Variants in FAM193B observed in about 807,000 individuals in gnomAD.
FAM193B encodes family with sequence similarity 193 member B.
FAM193B carries 27 observed loss-of-function variants against 70.7 expected under a neutral mutation model. That is an observed-to-expected ratio of 0.38 (90% CI 0.28 to 0.53). The LOEUF (loss-of-function observed/expected upper bound fraction) is 0.53. FAM193B is among the 20% of genes least tolerant of loss of function. FAM193B has a pLI of 0.81. For missense variants in FAM193B, 1,022 were observed against 1,072.5 expected (o/e 0.95, Z 0.66); for synonymous variants, 448 against 436.0 (o/e 1.03, Z -0.34).
chr5:177,543,517 C>A (rs896216290), intron 1 of FAM193B, among the ~76,000 whole-genome samples: 1 of 152,316 alleles, frequency 6.6e-6, no homozygotes, highest in Non-Finnish European at 1.5e-5. Context: ...GAGGGGCCAC[C>A]CCTAAAGCTG....
Position 177,524,391 on chromosome 5 carries a change from C to T in FAM193B, c.2090G>A (p.Arg697Gln), listed in dbSNP as rs369712230. 14 of 1,567,298 alleles carry T rather than the reference C, an allele frequency of 8.9e-6. 1 individual carries two copies. Among genetic ancestry groups the T allele is most frequent in the African/African-American group, 2.7e-5 (2 of 73,308 alleles). ...ACTGCCAGCCCAACCTGGTCCTGGC[C>T]GGCTCCCCCGGCTCCCCTCTCCAGC... Reference protein sequence around the residue: ...AEAGEGSRGSRPGPGWAGSPK... With the variant: ...AEAGEGSRGSQPGPGWAGSPK... Residue 697 changes from arginine to glutamine, a missense_variant, in exon 6 of 9, where the codon CGG becomes CAG. By Grantham distance (43) the Arg-to-Gln change is conservative (BLOSUM62 1). Transcript: ENST00000514747.
At chr5:177,534,954 G>C (rs888227385) in intron 4 of FAM193B, among the ~76,000 whole-genome samples, 2 of 152,196 alleles carry the variant, frequency 1.3e-5, no homozygotes, top group African/African-American at 4.8e-5. Context: ...TAGTGTGCTT[G>C]TGAATATGGG....
intron 7 of FAM193B, among the ~76,000 whole-genome samples, chr5:177,523,581 T>TGC (rs1762107688): frequency 6.6e-6 from 1 of 152,232 alleles, no homozygotes; most frequent in African/African-American, 2.4e-5. Flanking sequence ...CCCAACTCTA[T>TGC]GCCATTTATC....
intron 5 of FAM193B, among the ~76,000 whole-genome samples, chr5:177,527,720 T>C (rs1360892008): frequency 6.6e-6 from 1 of 152,194 alleles, no homozygotes; most frequent in Non-Finnish European, 1.5e-5. Context: ...GAGCCAAGTG[T>C]CAAACTGAGA....
intron 1 of FAM193B, chr5:177,553,315 T>C: frequency 1.0e-6 from 1 of 988,862 alleles, no homozygotes; most frequent in Non-Finnish European, 1.2e-6. Context: ...CGGCGCCGCA[T>C]CCGACCCTCC....
At chr5:177,545,576 G>A (rs1765321222) in intron 1 of FAM193B, among the ~76,000 whole-genome samples, 1 of 150,588 alleles carries the variant, frequency 6.6e-6, no homozygotes, top group Non-Finnish European at 1.5e-5. Context: ...TTGGAGGATT[G>A]CTCAAGCCCA....
rs184572415 is a variant in FAM193B, at chr5:177,537,961, C to T, written c.600G>A (p.Ser200=). 4.6e-5 allele frequency: 72 copies of T among 1,567,384 alleles called. No individual in the cohort carries two copies. In the Middle Eastern group the frequency reaches 6.7e-4, roughly 14 times the overall value. Residue 200 remains serine (S), a synonymous_variant, in exon 3 of 9, where the codon TCG becomes TCA. Coordinates refer to ENST00000514747, the MANE Select transcript of FAM193B (RefSeq NM_001190946.3). ...TCCAGAGGCCCGAGAGCTTATGTGC[C>T]GACAGGAACGAGCTAGGATCCCAGT... is the stretch of plus-strand genomic sequence containing the variant. The part of the protein sequence containing the change: ...SGDWDPSSFL[S]AHKLSGLWNS...
At chr5:177,525,864 G>T (rs1420738558) in intron 5 of FAM193B, among the ~76,000 whole-genome samples, 1 of 152,268 alleles carries the variant, frequency 6.6e-6, no homozygotes, top group East Asian at 1.9e-4. Context: ...GGCCCTGCCA[G>T]TTGGCTTTGA....
intron 1 of FAM193B, among the ~76,000 whole-genome samples, chr5:177,540,844 C>T (rs966095323): frequency 2.0e-5 from 3 of 152,120 alleles, no homozygotes; most frequent in African/African-American, 4.8e-5. Context: ...CAGAGGCCTA[C>T]GGGAATAATA....
chr5:177,530,742 C>T (rs1452782401), intron 5 of FAM193B, among the ~76,000 whole-genome samples: 1 of 152,214 alleles, frequency 6.6e-6, no homozygotes, highest in Non-Finnish European at 1.5e-5. Flanking sequence ...ACTGTCCATC[C>T]TGCCTCTCTT....
At chr5:177,544,410 C>A (rs1765182492) in intron 1 of FAM193B, among the ~76,000 whole-genome samples, 1 of 152,074 alleles carries the variant, frequency 6.6e-6, no homozygotes, top group Admixed American at 6.5e-5. Context: ...CACTTTTTTT[C>A]ATGGAACACC....
chr5:177,550,868 C>T (rs941252800), intron 1 of FAM193B, among the ~76,000 whole-genome samples: 2 of 152,124 alleles, frequency 1.3e-5, no homozygotes, highest in African/African-American at 2.4e-5. Context: ...TTCCCTCTCT[C>T]CCCCAGGCTG....
chr5:177,546,989 A>G (rs1194297875), intron 1 of FAM193B, among the ~76,000 whole-genome samples: 1 of 152,222 alleles, frequency 6.6e-6, no homozygotes, highest in African/African-American at 2.4e-5. Flanking sequence ...GAGGAGGAAG[A>G]GCATGAATTT....
chr5:177,549,239 C>T (rs951509764), intron 1 of FAM193B, among the ~76,000 whole-genome samples: 2 of 138,716 alleles, frequency 1.4e-5, no homozygotes, highest in Admixed American at 1.6e-4. Flanking sequence ...GTCGCCCAGG[C>T]TGGAGTGCAG....
chr5:177,547,966 G>A (rs750950043), intron 1 of FAM193B, among the ~76,000 whole-genome samples: 118 of 152,158 alleles, frequency 7.8e-4, no homozygotes, highest in Non-Finnish European at 1.3e-3. Flanking sequence ...AGAACCGAAG[G>A]CACACACACA....
At chr5:177,526,022 T>G (rs1762547296) in intron 5 of FAM193B, among the ~76,000 whole-genome samples, 1 of 152,210 alleles carries the variant, frequency 6.6e-6, no homozygotes. Context: ...GTGGTGCGCC[T>G]GGCGCCATTG....
rs1466344227 is a variant in FAM193B, at chr5:177,532,497, C to T, written c.1221G>A (p.Gln407=). Residue 407 remains glutamine, a synonymous_variant, in exon 5 of 9, where the codon CAG becomes CAA. Coordinates refer to ENST00000514747, the MANE Select transcript of FAM193B (RefSeq NM_001190946.3). This position sits in a 1 kb window ranked among gnomAD's most constrained non-coding sequence, Gnocchi z 4.9. ...RSSCTSSSTH[Q]RDGKFCDCCY... is the part of the protein sequence containing the mutation. ...AGCAGTCACAGAACTTCCCATCTCT[C>T]TGGTGGGTGGAGGATGAGGTGCAGG... 6.2e-7 allele frequency: 1 copy of T among 1,611,812 alleles called. No individual in the cohort carries two copies. The highest frequency in any genetic ancestry group is 8.5e-7 in the Non-Finnish European group (1 of 1,179,156).
At chr5:177,524,162 C>T (rs759707651) in intron 6 of FAM193B, 23 bp downstream of exon 6, 9 of 1,582,226 alleles carry the variant, frequency 5.7e-6, no homozygotes, top group South Asian at 3.5e-5. Context: ...GGGGGTCAGC[C>T]GCTCAGTTCC....
intron 5 of FAM193B, chr5:177,531,814 G>A (rs1013606519): frequency 1.6e-5 from 17 of 1,049,974 alleles, no homozygotes; most frequent in South Asian, 3.3e-5. Flanking sequence ...GCGAGTCACC[G>A]AGTCTTTGTG....
Sources: allele counts gnomAD v4.1 joint callset (sites outside exome capture counted in the v4.1 genomes callset), GRCh38; gene constraint gnomAD v4.1.1; non-coding constraint Gnocchi (gnomAD v3.1); transcripts MANE v1.5; gene names NCBI Gene and HGNC (gene_info 2026-07-23, HGNC 2026-07-21).